DOC2B: variants seen among roughly 807,000 people sequenced by gnomAD.
DOC2B encodes the protein double C2 domain beta.
Under a neutral mutation model 28.9 loss-of-function variants are expected in DOC2B, and 21 were observed. That is an observed-to-expected ratio of 0.73 (90% CI 0.52 to 1.05). The LOEUF is 1.05. DOC2B is among the 50% of genes least tolerant of loss of function. The pLI is 0.00. For synonymous variants in DOC2B, 194 were observed against 178.1 expected (o/e 1.09, Z -0.71); for missense variants, 384 against 421.1 (o/e 0.91, Z 0.77).
chr17:175,358 C>T (rs1028825080), intron 1 of DOC2B, among the ~76,000 whole-genome samples: 1 of 152,262 alleles, frequency 6.6e-6, no homozygotes, highest in Non-Finnish European at 1.5e-5. Flanking sequence ...CTGCCATCTC[C>T]ACACCAGGCA....
chr17:180,040 C>T (rs757952530), intron 1 of DOC2B, among the ~76,000 whole-genome samples: 1 of 152,230 alleles, frequency 6.6e-6, no homozygotes, highest in African/African-American at 2.4e-5. Flanking sequence ...CCAGGCCAGG[C>T]GCAGACATCC....
At chr17:157,211 C>G (rs1341979772) in intron 5 of DOC2B, among the ~76,000 whole-genome samples, 1 of 152,252 alleles carries the variant, frequency 6.6e-6, no homozygotes, top group Non-Finnish European at 1.5e-5. Flanking sequence ...GGCTTTGAAG[C>G]CGGGTCCCAC....
Position 161,557 on chromosome 17 carries a change from G to A in DOC2B, c.639-16C>T. 7.7e-6 allele frequency: 12 copies of A among 1,551,558 alleles called. No individual in the cohort carries two copies. The highest frequency in any genetic ancestry group is 1.0e-5 in the Non-Finnish European group (12 of 1,146,948). ...CACAGAGATCCTAGAGGGGGCGGTG[G>A]TGAGGGGCACAGCCAGTGCCTCAGA... On this transcript the variant is annotated splice_polypyrimidine_tract_variant and intron_variant, in intron 4 of 8. Transcript: ENST00000613549.
At chr17:156,116 G>C (rs2040131732) in intron 6 of DOC2B, 104 bp downstream of exon 6, 1 of 1,325,202 alleles carries the variant, frequency 7.5e-7, no homozygotes, top group East Asian at 2.6e-5. Context: ...CTGTACCTCA[G>C]GCACTCCCTG....
At chr17:175,769 C>T (rs907674234) in intron 1 of DOC2B, among the ~76,000 whole-genome samples, 1 of 152,230 alleles carries the variant, frequency 6.6e-6, no homozygotes, top group African/African-American at 2.4e-5. Flanking sequence ...CGGCTGCCTG[C>T]TCCCCCTGGG....
chr17:162,179 G>A lies in DOC2B; in HGVS notation c.540C>T (p.Leu180=), dbSNP rs2040213296. ...LLPGASKANK[L]RTKTLRNTLN... ...GAGTGTTACGGAGAGTTTTTGTTCTGAGCTTATTTGCCTGGAGAAGAGAAA... is the reference window on the plus strand; with the variant it reads ...GAGTGTTACGGAGAGTTTTTGTTCTAAGCTTATTTGCCTGGAGAAGAGAAA... Residue 180 remains leucine (L), a synonymous_variant, in exon 4 of 9, where the codon CTC becomes CTT. Transcript: ENST00000613549. 2 of 1,551,446 alleles carry A rather than the reference G, an allele frequency of 1.3e-6. No individual in the cohort carries two copies. Among genetic ancestry groups the A allele is most frequent in the Non-Finnish European group, 1.7e-6 (2 of 1,146,644 alleles).
In DOC2B at chr17:181,077, G is replaced by A. The variant is rs1419441929; in HGVS notation, c.373+30C>T. ...GGGGCCGAGCCCGAGCCAGGGGAGG[G>A]GGCGCGAAGTCGGCGCGTGGGAAAC... On this transcript the variant is annotated intron_variant, in intron 1 of 8. Transcript: ENST00000613549. This position sits in a 1 kb window ranked among gnomAD's most constrained non-coding sequence, Gnocchi z 7.0. The A allele has an allele frequency of 3.2e-6, 4 of 1,232,222 alleles. No homozygotes were observed. The African/African-American group carries it at 4.7e-5, about 15-fold the overall frequency. 76.3% of individuals were successfully genotyped at this position (1,232,222 alleles called of 1,614,324 possible).
intron 5 of DOC2B, among the ~76,000 whole-genome samples, chr17:157,287 C>T (rs367856318): frequency 1.3e-5 from 2 of 152,206 alleles, no homozygotes; most frequent in Non-Finnish European, 2.9e-5. Context: ...TCAGTGTTCA[C>T]CGTTGATAAA....
At position 147,118 on chromosome 17, in the gene DOC2B, G is replaced by C. The variant is rs1266142458; in HGVS notation, c.*323C>G. 1 of 254,494 alleles carries C rather than the reference G, an allele frequency of 3.9e-6. No individual in the cohort carries two copies. Among genetic ancestry groups the C allele is most frequent in the African/African-American group, 2.2e-5 (1 of 45,110 alleles). 15.8% of individuals were successfully genotyped at this position (254,494 alleles called of 1,614,324 possible). A position where few individuals can be genotyped will look rare whatever the true frequency, so the allele number is the denominator to read the frequency against. ...GCGCCCCCACACTCCTGTCCTCTCA[G>C]CCGGGGCTGGCCTCTAGAAGGGTCT... On this transcript the variant is annotated 3_prime_UTR_variant, in exon 9 of 9. Transcript: ENST00000613549.
intron 1 of DOC2B, among the ~76,000 whole-genome samples, chr17:176,471 T>C (rs1036613022): frequency 6.6e-6 from 1 of 152,202 alleles, no homozygotes; most frequent in Non-Finnish European, 1.5e-5. Flanking sequence ...TCCTCCCGCC[T>C]TCACCTCCCA....
rs1213230903 is a variant in DOC2B at position 161,397 on chromosome 17, CTCAA to C, written c.765+14_765+17del. 1.3e-6 allele frequency: 2 copies of C among 1,551,512 alleles called. No individual in the cohort carries two copies. Among genetic ancestry groups the C allele is most frequent in the Non-Finnish European group, 1.7e-6 (2 of 1,146,876 alleles). On this transcript the variant is annotated intron_variant, in intron 5 of 8. Coordinates refer to ENST00000613549, the MANE Select transcript of DOC2B (RefSeq NM_003585.5). ...CACCGAGCCAGGTACACAGCAGGTG[CTCAA>C]TCAATCCTCTCACCGGCAGCTGCTT...
rs1027347335 is a variant in DOC2B, at chr17:181,132, G to C, written c.348C>G (p.Ala116=). 4.0e-5 allele frequency: 50 copies of C among 1,253,214 alleles called. No individual in the cohort carries two copies. Among genetic ancestry groups the C allele is most frequent in the Non-Finnish European group, 4.7e-5 (47 of 999,664 alleles). 77.6% of individuals were successfully genotyped at this position (1,253,214 alleles called of 1,614,324 possible). A position where few individuals can be genotyped will look rare whatever the true frequency, so the allele number is the denominator to read the frequency against. ...TGCAGTCGTCCGACTCGTAGCCGTCGGCGTCCGGCTCGTCCTCCGGCGGCT... is the reference window on the plus strand; with the variant it reads ...TGCAGTCGTCCGACTCGTAGCCGTCCGCGTCCGGCTCGTCCTCCGGCGGCT... ...PAKPPEDEPD[A]DGYESDDCTA... is the part of the protein sequence containing the mutation. Residue 116 remains alanine (A), a synonymous_variant, in exon 1 of 9, where the codon GCC becomes GCG. Coordinates refer to ENST00000613549, the MANE Select transcript of DOC2B (RefSeq NM_003585.5). The surrounding 1 kb of genome is among the most constrained non-coding windows in gnomAD (Gnocchi z 7.0).
At chr17:151,559 A>T (rs565478691) in intron 6 of DOC2B, among the ~76,000 whole-genome samples, 2 of 152,286 alleles carry the variant, frequency 1.3e-5, no homozygotes, top group Admixed American at 6.5e-5. Flanking sequence ...ACCTGATTTT[A>T]AAAAAGTTTG....
At chr17:174,720 A>ATT (rs1166659766) in intron 1 of DOC2B, among the ~76,000 whole-genome samples, 1 of 152,108 alleles carries the variant, frequency 6.6e-6, no homozygotes, top group Non-Finnish European at 1.5e-5. Flanking sequence ...CTCCTATTAG[A>ATT]TTACTTGTCT....
At chr17:170,890 G>A (rs1307901179) in intron 2 of DOC2B, among the ~76,000 whole-genome samples, 1 of 23,084 alleles carries the variant, frequency 4.3e-5, no homozygotes. Flanking sequence ...AGCACCAGGG[G>A]CCGGGCCAGG....
Position 155,024 on chromosome 17 carries a change from C to A in DOC2B, c.923+1196G>T, listed in dbSNP as rs145249824. Among the ~76,000 whole-genome samples the A allele has an allele frequency of 3.0e-4, 45 of 152,252 alleles. No individual in the cohort carries two copies. The East Asian group carries it at 8.3e-3, about 28-fold the overall frequency. ...GATTACAAGCACGAGCCACTGCACT[C>A]AGCCTAATTTATTACTATTTTTAAC... On this transcript the variant is annotated intron_variant, in intron 6 of 8. Coordinates refer to ENST00000613549, the MANE Select transcript of DOC2B (RefSeq NM_003585.5).
At chr17:174,509 G>A (rs980584852) in intron 1 of DOC2B, among the ~76,000 whole-genome samples, 1 of 152,100 alleles carries the variant, frequency 6.6e-6, no homozygotes, top group Non-Finnish European at 1.5e-5. Flanking sequence ...CCTGCCTTTG[G>A]GAACAGAACA....
chr17:156,830 T>C (rs2040141466), intron 5 of DOC2B, among the ~76,000 whole-genome samples: 1 of 152,256 alleles, frequency 6.6e-6, no homozygotes, highest in Non-Finnish European at 1.5e-5. Flanking sequence ...CTTCCCACCT[T>C]GGCCTCCCAA....
chr17:157,821 G>A (rs1355277950), intron 5 of DOC2B, among the ~76,000 whole-genome samples: 1 of 152,212 alleles, frequency 6.6e-6, no homozygotes, highest in Admixed American at 6.5e-5. Context: ...TTGTACTAGT[G>A]AAGGCAGGAA....
Sources: allele counts gnomAD v4.1 joint callset (sites outside exome capture counted in the v4.1 genomes callset), GRCh38; gene constraint gnomAD v4.1.1; non-coding constraint Gnocchi (gnomAD v3.1); transcripts MANE v1.5; gene names NCBI Gene and HGNC (gene_info 2026-07-23, HGNC 2026-07-21).